The following SREBF2 variants were observed in gnomAD, a reference collection of about 807,000 sequenced individuals.
SREBF2 encodes sterol regulatory element binding transcription factor 2.
SREBF2 carries 55 observed loss-of-function variants against 113.1 expected under a neutral mutation model. The ratio of observed to expected loss-of-function variants is 0.49; its 90% CI spans 0.39 to 0.61. The LOEUF (loss-of-function observed/expected upper bound fraction) is 0.61. Among genes scored for constraint, SREBF2 ranks in the 20% least tolerant of loss-of-function variants. The pLI, the probability that SREBF2 is intolerant of heterozygous loss-of-function variation, is 0.00. For synonymous variants in SREBF2, 593 were observed against 605.7 expected, an observed-to-expected ratio of 0.98 and a Z score of 0.31; for missense variants, 1,349 against 1,487.4, an observed-to-expected ratio of 0.91 and a Z score of 1.53.
rs142090611 is a variant in SREBF2 at position 41,877,336 on chromosome 22, T to C, written c.1494T>C (p.Thr498=). The C allele has an allele frequency of 6.4e-4, 1,034 of 1,614,124 alleles. No homozygotes were observed. The highest frequency in any genetic ancestry group is 8.3e-4 in the Non-Finnish European group (981 of 1,180,000). ...TFLCLSFNPL[T]SLLQWGGAHD... ...TGTGCCTCTCCTTTAACCCCCTGAC[T>C]TCCCTGCTGCAGTGGGGAGGGGCCC... Residue 498 remains threonine, a synonymous_variant, in exon 8 of 19, where the codon ACT becomes ACC. Coordinates refer to ENST00000361204, the MANE Select transcript of SREBF2 (RefSeq NM_004599.4).
intron 1 of SREBF2, among the ~76,000 whole-genome samples, chr22:41,859,445 A>C (rs572816831): frequency 3.9e-5 from 6 of 152,324 alleles, no homozygotes; most frequent in African/African-American, 1.4e-4. Flanking sequence ...GCATTCCTGC[A>C]TGGCTCATTT....
At chr22:41,878,358 G>C (rs1000649573) in intron 9 of SREBF2, among the ~76,000 whole-genome samples, 6 of 152,162 alleles carry the variant, frequency 3.9e-5, no homozygotes, top group Non-Finnish European at 7.3e-5. Context: ...TTCTGAGGGA[G>C]GGGTTCTAGG....
Position 41,861,017 on chromosome 22 carries a change from G to A in SREBF2, c.89-5814G>A, listed in dbSNP as rs149185374. Among the ~76,000 whole-genome samples, 729 of 152,318 alleles carry A rather than the reference G, an allele frequency of 4.8e-3. 7 individuals are homozygous for A. Among genetic ancestry groups the A allele is most frequent in the African/African-American group, 0.015 (638 of 41,558 alleles). Reference sequence around the variant, plus strand: ...GGGACTCTGAAAAGGATGATGTTACGTCTGTAATGGTTGACACTGAATGTT... The same window carrying A: ...GGGACTCTGAAAAGGATGATGTTACATCTGTAATGGTTGACACTGAATGTT... On this transcript the variant is annotated intron_variant, in intron 1 of 18. Coordinates refer to ENST00000361204, the MANE Select transcript of SREBF2 (RefSeq NM_004599.4).
At chr22:41,846,200 G>A (rs1391634165) in intron 1 of SREBF2, among the ~76,000 whole-genome samples, 1 of 152,206 alleles carries the variant, frequency 6.6e-6, no homozygotes, top group Non-Finnish European at 1.5e-5. Flanking sequence ...AGCAGAAACC[G>A]CTTCTATCTA....
chr22:41,846,473 T>C (rs2076877614), intron 1 of SREBF2, among the ~76,000 whole-genome samples: 1 of 152,216 alleles, frequency 6.6e-6, no homozygotes, highest in South Asian at 2.1e-4. Context: ...CAAAGGAAGA[T>C]CAGGGTGCTA....
chr22:41,834,393 A>G (rs993136444), intron 1 of SREBF2: 1 of 152,630 alleles, frequency 6.6e-6, no homozygotes, highest in Non-Finnish European at 1.5e-5. Flanking sequence ...TTAATACGGT[A>G]ATTAAAGAAG....
In SREBF2 at chr22:41,856,803, G is replaced by A. The variant is rs541253613; in HGVS notation, c.89-10028G>A. ...TTTGATTTGATTAAGGGCCGGGCACGGTGGCTTATGCCTATAATCCCAGCA... is the reference window on the plus strand; with the variant it reads ...TTTGATTTGATTAAGGGCCGGGCACAGTGGCTTATGCCTATAATCCCAGCA... On this transcript the variant is annotated intron_variant, in intron 1 of 18. Coordinates refer to ENST00000361204, the MANE Select transcript of SREBF2 (RefSeq NM_004599.4). Among the ~76,000 whole-genome samples, 18 of 152,294 alleles carry A rather than the reference G, an allele frequency of 1.2e-4. 1 individual carries two copies. The highest frequency in any genetic ancestry group is 3.4e-3 in the Middle Eastern group (1 of 294).
Position 41,833,122 on chromosome 22 carries a change from G to C in SREBF2, c.-149G>C. On this transcript the variant is annotated 5_prime_UTR_variant, in exon 1 of 19. Transcript: ENST00000361204. The surrounding 1 kb of genome is among the most constrained non-coding windows in gnomAD (Gnocchi z 4.1). Reference sequence around the variant, plus strand: ...GCCCCGCCCTTTCTGTGCGGCGCCCGGGCGCAACGCAAACATGGCGGCGGG... The same window carrying C: ...GCCCCGCCCTTTCTGTGCGGCGCCCCGGCGCAACGCAAACATGGCGGCGGG... The C allele has an allele frequency of 5.4e-6, 3 of 551,140 alleles. No individual in the cohort carries two copies. The South Asian group carries it at 8.8e-5, about 16-fold the overall frequency. The allele number at this position is 551,140 out of a possible 1,614,324, so 34.1% of individuals were successfully genotyped here.
At chr22:41,848,651 G>A (rs2076900155) in intron 1 of SREBF2, among the ~76,000 whole-genome samples, 1 of 152,094 alleles carries the variant, frequency 6.6e-6, no homozygotes, top group African/African-American at 2.4e-5. Context: ...GGTGGTTGGG[G>A]CAACTTGTGG....
chr22:41,897,079 G>T lies in SREBF2; in HGVS notation c.2523G>T (p.Leu841Phe). Residue 841 changes from leucine (L) to phenylalanine (F), a missense_variant, in exon 14 of 19, where the codon TTG becomes TTT. By Grantham distance (22) the Leu-to-Phe change is conservative (BLOSUM62 0). Around this residue, in one of 2 missense-constraint regions of SREBF2, gnomAD observed 650 missense variants for 644.1 expected, o/e 1.01. Coordinates refer to ENST00000361204, the MANE Select transcript of SREBF2 (RefSeq NM_004599.4). ...SCEFSSALEY[L>F]KLLHSFVDSV... ...AATTCTCCAGTGCTCTGGAGTACTT[G>T]AAATTACTTCATTCTTTTGTGGACT... 6.2e-7 allele frequency: 1 copy of T among 1,613,278 alleles called. No homozygotes were observed. The highest frequency in any genetic ancestry group is 8.5e-7 in the Non-Finnish European group (1 of 1,179,782).
At chr22:41,882,531 C>T (rs993507968) in intron 10 of SREBF2, among the ~76,000 whole-genome samples, 6 of 152,068 alleles carry the variant, frequency 3.9e-5, no homozygotes, top group African/African-American at 1.2e-4. Context: ...GATAGGCCAT[C>T]GCGGTGGCTC....
intron 10 of SREBF2, among the ~76,000 whole-genome samples, chr22:41,881,432 G>A (rs2077244838): frequency 6.6e-6 from 1 of 152,238 alleles, no homozygotes; most frequent in Non-Finnish European, 1.5e-5. Context: ...CTTAGCAGAA[G>A]GAACATGTTT....
intron 11 of SREBF2, among the ~76,000 whole-genome samples, chr22:41,888,170 A>G (rs922920131): frequency 6.6e-6 from 1 of 152,182 alleles, no homozygotes; most frequent in Non-Finnish European, 1.5e-5. Flanking sequence ...CTTTTCCTTT[A>G]CAGTTAGACA....
chr22:41,868,941 T>A, intron 3 of SREBF2, 149 bp downstream of exon 3: 1 of 996,952 alleles, frequency 1.0e-6, no homozygotes, highest in Non-Finnish European at 1.5e-6. Flanking sequence ...GAGCAGCGTA[T>A]AGTGACCTGG....
chr22:41,833,423 C>T lies in SREBF2; in HGVS notation c.88+65C>T, dbSNP rs1419132295. Reference sequence around the variant, plus strand: ...GAGGAAGGGGTTACGGCGGCGCGCCCGGGTGCGCGTGCGCCCACCCCCCGA... The same window carrying T: ...GAGGAAGGGGTTACGGCGGCGCGCCTGGGTGCGCGTGCGCCCACCCCCCGA... On this transcript the variant is annotated intron_variant, in intron 1 of 18. Coordinates refer to ENST00000361204, the MANE Select transcript of SREBF2 (RefSeq NM_004599.4). The surrounding 1 kb of genome is among the most constrained non-coding windows in gnomAD (Gnocchi z 4.1). 2.8e-6 allele frequency: 4 copies of T among 1,429,414 alleles called. No individual in the cohort carries two copies. Among genetic ancestry groups the T allele is most frequent in the Non-Finnish European group, 2.8e-6 (3 of 1,056,860 alleles). The allele number at this position is 1,429,414 out of a possible 1,614,324, so 88.5% of individuals were successfully genotyped here. A position where few individuals can be genotyped will look rare whatever the true frequency, so the allele number is the denominator to read the frequency against.
chr22:41,900,234 CAG>C, intron 15 of SREBF2, 94 bp from the exon 16 acceptor site: 2 of 1,561,974 alleles, frequency 1.3e-6, no homozygotes, highest in African/African-American at 1.4e-5. Context: ...CATGTCATAT[CAG>C]TGTGGGGCGT....
At chr22:41,884,218 C>T (rs979328085) in intron 10 of SREBF2, among the ~76,000 whole-genome samples, 4 of 152,230 alleles carry the variant, frequency 2.6e-5, no homozygotes, top group African/African-American at 4.8e-5. Flanking sequence ...TCACTGCAAC[C>T]TCCGCATCGC....
intron 3 of SREBF2, among the ~76,000 whole-genome samples, chr22:41,870,068 C>T (rs1488148901): frequency 1.3e-5 from 2 of 151,912 alleles, no homozygotes; most frequent in African/African-American, 4.8e-5. Context: ...GTTGGTTAGG[C>T]TGGTCTCAAA....
In SREBF2 at chr22:41,905,531, G is replaced by A. The variant is rs201909525; in HGVS notation, c.3297G>A (p.Pro1099=). ...RHLPLSFLSS[P]GQRAVLLAEA... ...TGCCCCTCTCCTTCCTCTCCTCCCC[G>A]GGCCAGCGGGCAGTGCTGCTGGCCG... The change falls in exon 19 of 19, where the codon CCG becomes CCA. Residue 1099 remains proline (P), a synonymous_variant. Transcript: ENST00000361204. The A allele has an allele frequency of 1.1e-4, 173 of 1,587,222 alleles. No homozygotes were observed. Among genetic ancestry groups the A allele is most frequent in the Middle Eastern group, 3.3e-4 (2 of 6,026 alleles).
Sources: allele counts gnomAD v4.1 joint callset (sites outside exome capture counted in the v4.1 genomes callset), GRCh38; gene constraint gnomAD v4.1.1; regional missense constraint gnomAD v4.1.1; non-coding constraint Gnocchi (gnomAD v3.1); transcripts MANE v1.5; gene names NCBI Gene and HGNC (gene_info 2026-07-23, HGNC 2026-07-21).